Variants in NRG1 observed in about 807,000 individuals in gnomAD.
NRG1 encodes the protein pro-neuregulin-1, membrane-bound isoform.
Under a neutral mutation model 63.8 loss-of-function variants are expected in NRG1, and 18 were observed. That is an observed-to-expected ratio of 0.28 (90% CI 0.19 to 0.42). The LOEUF (loss-of-function observed/expected upper bound fraction) is 0.42. Among genes scored for constraint, NRG1 ranks in the 10% least tolerant of loss-of-function variants. NRG1 has a pLI of 1.00. For synonymous variants in NRG1, 302 were observed against 301.3 expected (o/e 1.00, Z -0.02); for missense variants, 762 against 814.7 (o/e 0.94, Z 0.79).
intron 1 of NRG1, among the ~76,000 whole-genome samples, chr8:31,648,649 A>G (rs1197553622): frequency 2.0e-5 from 3 of 152,204 alleles, no homozygotes; most frequent in Non-Finnish European, 2.9e-5. Context: ...AAGTGGAATC[A>G]TATGGTATTT....
chr8:32,372,485 T>C (rs990978499), intron 1 of NRG1, among the ~76,000 whole-genome samples: 1 of 152,076 alleles, frequency 6.6e-6, no homozygotes, highest in Non-Finnish European at 1.5e-5. Flanking sequence ...AAGGCAGCAA[T>C]TGGTGAGTTT....
chr8:31,654,468 G>A (rs1805222006), intron 1 of NRG1, among the ~76,000 whole-genome samples: 1 of 152,224 alleles, frequency 6.6e-6, no homozygotes, highest in Non-Finnish European at 1.5e-5. Flanking sequence ...TGTGTAAAGT[G>A]TAAAGAATCA....
intron 1 of NRG1, among the ~76,000 whole-genome samples, chr8:31,883,404 C>T (rs1830499490): frequency 1.3e-5 from 2 of 152,058 alleles, no homozygotes; most frequent in Admixed American, 6.6e-5. Context: ...ATGATGTTCA[C>T]TTTATTATTC....
chr8:32,524,363 T>G (rs997981873), intron 1 of NRG1, among the ~76,000 whole-genome samples: 1 of 152,180 alleles, frequency 6.6e-6, no homozygotes, highest in African/African-American at 2.4e-5. Flanking sequence ...TTCTTGATAT[T>G]CTTTCCTTCT....
At chr8:32,353,805 G>T (rs1289417036) in intron 1 of NRG1, among the ~76,000 whole-genome samples, 1 of 152,162 alleles carries the variant, frequency 6.6e-6, no homozygotes, top group Non-Finnish European at 1.5e-5. Flanking sequence ...AAGCCAGCCA[G>T]TCCACTCCTG....
At chr8:32,763,612 A>G in intron 11 of NRG1, 136 bp from the exon 12 acceptor site, 2 of 1,118,340 alleles carry the variant, frequency 1.8e-6, no homozygotes, top group South Asian at 3.4e-5. Context: ...CCTAGCCTAA[A>G]TAATTAAGCA....
chr8:32,772,042 T>A (rs1172265990), downstream of NRG1, among the ~76,000 whole-genome samples: 3 of 752 alleles, frequency 4.0e-3, no homozygotes, highest in African/African-American at 0.014. Flanking sequence ...AAAAAATATG[T>A]ATATATATAT....
chr8:31,957,513 A>G (rs192858158), intron 1 of NRG1, among the ~76,000 whole-genome samples: 81 of 151,554 alleles, frequency 5.3e-4, no homozygotes, highest in African/African-American at 1.8e-3. Flanking sequence ...TAAACAATAG[A>G]ATAATAATGT....
At chr8:31,780,970 C>A (rs1215239147) in intron 1 of NRG1, among the ~76,000 whole-genome samples, 1 of 152,208 alleles carries the variant, frequency 6.6e-6, no homozygotes, top group African/African-American at 2.4e-5. Context: ...GAAACTTTCT[C>A]TGAATCATAA....
At chr8:32,172,096 C>T (rs74863708) in intron 1 of NRG1, among the ~76,000 whole-genome samples, 1 of 152,162 alleles carries the variant, frequency 6.6e-6, no homozygotes, top group African/African-American at 2.4e-5. Flanking sequence ...AGGCACCCCC[C>T]AGTAGGGGCA....
At chr8:32,284,325 C>A (rs1308775474) in intron 1 of NRG1, among the ~76,000 whole-genome samples, 1 of 152,128 alleles carries the variant, frequency 6.6e-6, no homozygotes, top group Non-Finnish European at 1.5e-5. Context: ...CCACTGACCC[C>A]ACACTCTGCT....
At chr8:31,910,901 A>G (rs1448976983) in intron 1 of NRG1, among the ~76,000 whole-genome samples, 2 of 152,178 alleles carry the variant, frequency 1.3e-5, no homozygotes, top group African/African-American at 4.8e-5. Flanking sequence ...GCTGCTGAGA[A>G]GTCAATACAA....
At chr8:32,610,316 A>G (rs747245278) in intron 3 of NRG1, among the ~76,000 whole-genome samples, 6 of 152,142 alleles carry the variant, frequency 3.9e-5, no homozygotes, top group Admixed American at 6.6e-5. Flanking sequence ...TTTAGAACAT[A>G]TTTTGATACA....
chr8:32,244,504 A>G (rs1178038672), intron 1 of NRG1, among the ~76,000 whole-genome samples: 1 of 152,202 alleles, frequency 6.6e-6, no homozygotes, highest in African/African-American at 2.4e-5. Flanking sequence ...AAACTATTGC[A>G]GTTAATGAGG....
intron 1 of NRG1, among the ~76,000 whole-genome samples, chr8:31,930,525 T>C (rs1834772709): frequency 6.6e-6 from 1 of 152,238 alleles, no homozygotes; most frequent in Non-Finnish European, 1.5e-5. Flanking sequence ...TGTTTCATAA[T>C]TGTTGCTTTC....
chr8:32,512,586 A>G (rs896180598), intron 1 of NRG1, among the ~76,000 whole-genome samples: 7 of 152,228 alleles, frequency 4.6e-5, no homozygotes, highest in African/African-American at 9.6e-5. Context: ...TATGGTAAGT[A>G]TCTTTTCCTA....
At chr8:31,699,611 C>T (rs1810431528) in intron 1 of NRG1, among the ~76,000 whole-genome samples, 1 of 152,100 alleles carries the variant, frequency 6.6e-6, no homozygotes, top group Non-Finnish European at 1.5e-5. Flanking sequence ...AGAAGAGGCT[C>T]CTGCAAGTCT....
At chr8:31,688,108 C>T (rs1033858370) in intron 1 of NRG1, among the ~76,000 whole-genome samples, 8 of 152,218 alleles carry the variant, frequency 5.3e-5, no homozygotes, top group Admixed American at 2.0e-4. Flanking sequence ...AAAAGTGGTA[C>T]AATTAGACAC....
At chr8:31,767,783 G>C (rs1310023255) in intron 1 of NRG1, among the ~76,000 whole-genome samples, 2 of 148,912 alleles carry the variant, frequency 1.3e-5, no homozygotes, top group Non-Finnish European at 3.0e-5. Context: ...AGGTTGCAGT[G>C]AGCCGAGATT....
Sources: allele counts gnomAD v4.1 joint callset (sites outside exome capture counted in the v4.1 genomes callset), GRCh38; gene constraint gnomAD v4.1.1; transcripts MANE v1.5; gene names NCBI Gene and HGNC (gene_info 2026-07-23, HGNC 2026-07-21).